NKAIN2: variants seen among roughly 807,000 people sequenced by gnomAD.
NKAIN2 encodes sodium/potassium transporting ATPase interacting 2.
In NKAIN2, 14 loss-of-function variants were observed where a neutral mutation model predicts 32.6. The observed-to-expected ratio is 0.43, with a 90% CI of 0.28 to 0.67. NKAIN2 has a LOEUF of 0.67. Among genes scored for constraint, NKAIN2 ranks in the 30% least tolerant of loss-of-function variants. NKAIN2 has a pLI of 0.17. For missense variants in NKAIN2, 198 were observed against 258.3 expected, an observed-to-expected ratio of 0.77 and a Z score of 1.60; for synonymous variants, 80 against 87.2, an observed-to-expected ratio of 0.92 and a Z score of 0.46.
At chr6:124,674,029 A>G (rs1413310663) in intron 4 of NKAIN2, among the ~76,000 whole-genome samples, 2 of 151,804 alleles carry the variant, frequency 1.3e-5, no homozygotes, top group African/African-American at 4.8e-5. Flanking sequence ...TTCCATTTTG[A>G]TTTGGTTTTT....
At chr6:123,877,908 C>T (rs991313060) in intron 1 of NKAIN2, among the ~76,000 whole-genome samples, 6 of 152,010 alleles carry the variant, frequency 3.9e-5, no homozygotes, top group Non-Finnish European at 8.8e-5. Flanking sequence ...TGTTCAATTT[C>T]GTTAGTTAAT....
At chr6:124,100,839 C>T (rs1267808002) in intron 1 of NKAIN2, among the ~76,000 whole-genome samples, 1 of 152,150 alleles carries the variant, frequency 6.6e-6, no homozygotes, top group East Asian at 1.9e-4. Context: ...GCAATTTCTC[C>T]TTGCTGCTCA....
chr6:124,459,885 A>T lies in NKAIN2; in HGVS notation c.273+104538A>T, dbSNP rs950351095. On this transcript the variant is annotated intron_variant, in intron 3 of 6. Coordinates refer to ENST00000368417, the MANE Select transcript of NKAIN2 (RefSeq NM_001040214.3). ...GTATCATCTGTTTATATTTATTGTCATTACTGATATTAGTGACCATTTATT... is the reference window on the plus strand; with the variant it reads ...GTATCATCTGTTTATATTTATTGTCTTTACTGATATTAGTGACCATTTATT... Among the ~76,000 whole-genome samples, 121 of 151,722 alleles carry T rather than the reference A, an allele frequency of 8.0e-4. 2 individuals are homozygous for T. The highest frequency in any genetic ancestry group is 8.0e-3 in the Admixed American group (121 of 15,176).
chr6:124,116,609 T>C (rs1785630507), intron 1 of NKAIN2, among the ~76,000 whole-genome samples: 2 of 152,140 alleles, frequency 1.3e-5, no homozygotes, highest in South Asian at 4.1e-4. Context: ...TTTTGTTTTT[T>C]TGTGTGAATA....
intron 1 of NKAIN2, among the ~76,000 whole-genome samples, chr6:124,272,608 A>G (rs1794845443): frequency 6.6e-6 from 1 of 152,188 alleles, no homozygotes; most frequent in African/African-American, 2.4e-5. Context: ...GCCCCCACAC[A>G]GAGTACCCAC....
At chr6:124,124,254 T>C (rs566270575) in intron 1 of NKAIN2, among the ~76,000 whole-genome samples, 3 of 152,308 alleles carry the variant, frequency 2.0e-5, no homozygotes, top group African/African-American at 7.2e-5. Context: ...TGCAACTGTC[T>C]ATCACAATAT....
At chr6:124,649,864 A>G (rs1387192348) in intron 3 of NKAIN2, among the ~76,000 whole-genome samples, 1 of 152,202 alleles carries the variant, frequency 6.6e-6, no homozygotes, top group African/African-American at 2.4e-5. Context: ...AAAAATTACA[A>G]TATCTATAGA....
At chr6:123,931,888 C>G (rs751020243) in intron 1 of NKAIN2, among the ~76,000 whole-genome samples, 8 of 152,158 alleles carry the variant, frequency 5.3e-5, no homozygotes, top group Non-Finnish European at 1.2e-4. Context: ...ATTTTATCAT[C>G]ACCCACTCAA....
At chr6:124,503,235 C>T (rs892109062) in intron 3 of NKAIN2, among the ~76,000 whole-genome samples, 6 of 151,926 alleles carry the variant, frequency 3.9e-5, no homozygotes, top group Non-Finnish European at 7.4e-5. Flanking sequence ...AATTTTAACT[C>T]CGCCCCAAAA....
At chr6:124,605,310 G>T (rs1250755191) in intron 3 of NKAIN2, among the ~76,000 whole-genome samples, 1 of 152,012 alleles carries the variant, frequency 6.6e-6, no homozygotes, top group Non-Finnish European at 1.5e-5. Flanking sequence ...GGCTTATTGA[G>T]CCCTTACTGT....
intron 4 of NKAIN2, among the ~76,000 whole-genome samples, chr6:124,714,677 T>A (rs1219124500): frequency 6.6e-6 from 1 of 152,166 alleles, no homozygotes; most frequent in African/African-American, 2.4e-5. Context: ...AGATCTAATT[T>A]TCATCTGAGC....
intron 1 of NKAIN2, among the ~76,000 whole-genome samples, chr6:124,132,911 G>A (rs1316653337): frequency 1.3e-5 from 2 of 152,168 alleles, no homozygotes; most frequent in African/African-American, 4.8e-5. Context: ...AAGGGGGAGA[G>A]CACACCACAT....
chr6:124,653,873 C>A (rs567342826), intron 3 of NKAIN2, among the ~76,000 whole-genome samples: 1 of 152,016 alleles, frequency 6.6e-6, no homozygotes, highest in East Asian at 1.9e-4. Flanking sequence ...AGCAAACAAC[C>A]CAATTTAAAA....
At chr6:124,235,837 T>A (rs1028374870) in intron 1 of NKAIN2, among the ~76,000 whole-genome samples, 3 of 152,082 alleles carry the variant, frequency 2.0e-5, no homozygotes, top group African/African-American at 4.8e-5. Flanking sequence ...GACCTCATGA[T>A]CCGCCCATCT....
At chr6:123,832,579 G>A (rs9490958) in intron 1 of NKAIN2, among the ~76,000 whole-genome samples, 9,869 of 152,110 alleles carry the variant, frequency 0.065, 631 homozygotes, top group African/African-American at 0.16. Flanking sequence ...GTACCGTTTC[G>A]CATTTCTACA....
At chr6:124,407,115 G>A (rs1773895495) in intron 3 of NKAIN2, among the ~76,000 whole-genome samples, 1 of 151,818 alleles carries the variant, frequency 6.6e-6, no homozygotes, top group Non-Finnish European at 1.5e-5. Flanking sequence ...CAAACTCCAG[G>A]TCACAAAAAT....
At chr6:124,159,196 G>A (rs1412452436) in intron 1 of NKAIN2, among the ~76,000 whole-genome samples, 1 of 152,014 alleles carries the variant, frequency 6.6e-6, no homozygotes, top group Non-Finnish European at 1.5e-5. Flanking sequence ...TAGAGATATG[G>A]GTTCAGTGTT....
At chr6:123,815,309 G>C (rs892323550) in intron 1 of NKAIN2, among the ~76,000 whole-genome samples, 2 of 152,066 alleles carry the variant, frequency 1.3e-5, no homozygotes, top group African/African-American at 2.4e-5. Context: ...CTGTAAATAA[G>C]ATCAATTTTG....
chr6:124,719,106 G>T (rs2114626895), intron 4 of NKAIN2, among the ~76,000 whole-genome samples: 1 of 152,196 alleles, frequency 6.6e-6, no homozygotes, highest in South Asian at 2.1e-4. Context: ...ATGTTGGTAT[G>T]ATTTATCATC....
Sources: gnomAD v4.1 joint callset for allele counts (sites outside exome capture counted in the v4.1 genomes callset) on GRCh38, gnomAD v4.1.1 for gene constraint, MANE v1.5 for transcripts, NCBI Gene and HGNC (gene_info 2026-07-23, HGNC 2026-07-21) for gene names.